The following FBLN5 variants were observed in gnomAD, a reference collection of about 807,000 sequenced individuals.
The protein encoded by FBLN5 is fibulin 5.
Under a neutral mutation model 61.6 loss-of-function variants are expected in FBLN5, and 24 were observed. That is an observed-to-expected ratio of 0.39 (90% CI 0.28 to 0.55). The LOEUF (loss-of-function observed/expected upper bound fraction) is 0.55, where lower values mean the gene tolerates loss of function less well. FBLN5 is among the 20% of genes least tolerant of loss of function. The pLI is 0.65. For missense variants in FBLN5, 470 were observed against 594.1 expected, an observed-to-expected ratio of 0.79 and a Z score of 2.17; for synonymous variants, 213 against 219.8, an observed-to-expected ratio of 0.97 and a Z score of 0.27.
At chr14:91,871,179 T>C (rs1888908496) in intron 10 of FBLN5, among the ~76,000 whole-genome samples, 1 of 148,924 alleles carries the variant, frequency 6.7e-6, no homozygotes, top group Non-Finnish European at 1.5e-5. Flanking sequence ...AAAAACGTTT[T>C]TGAGGAAAAA....
chr14:91,936,097 C>T (rs1032620666), intron 4 of FBLN5, among the ~76,000 whole-genome samples: 1 of 152,188 alleles, frequency 6.6e-6, no homozygotes, highest in Non-Finnish European at 1.5e-5. Flanking sequence ...CAGCTCAACA[C>T]TCCAGAGCCC....
At chr14:91,891,692 C>A (rs1890003959) in intron 5 of FBLN5, among the ~76,000 whole-genome samples, 1 of 152,166 alleles carries the variant, frequency 6.6e-6, no homozygotes. Flanking sequence ...GATGGACTCT[C>A]CAATTTTTCC....
chr14:91,889,298 G>A (rs1176518312), intron 6 of FBLN5, among the ~76,000 whole-genome samples: 2 of 152,212 alleles, frequency 1.3e-5, no homozygotes, highest in Non-Finnish European at 2.9e-5. Flanking sequence ...CCACTCGGAG[G>A]TGAATGAACT....
In FBLN5 at chr14:91,877,591, C is replaced by T. The variant is rs757825263; in HGVS notation, c.1081G>A (p.Val361Ile). The stretch of plus-strand genomic sequence containing the variant: ...TGCATTTGGAAGATGTCAGCGGGAA[C>T]GGAGCGTCCTGACACCACGTCCATG... ...RDMDVVSGRS[V>I]PADIFQMQAT... The change falls in exon 10 of 11, where the codon GTT becomes ATT. Residue 361 changes from valine (V) to isoleucine (I), a missense_variant. Physicochemically the swap from Val to Ile is conservative, Grantham distance 29 (BLOSUM62 3). Transcript: ENST00000342058. 2.9e-5 allele frequency: 47 copies of T among 1,613,894 alleles called. No homozygotes were observed. Among genetic ancestry groups the T allele is most frequent in the South Asian group, 8.8e-5 (8 of 91,078 alleles).
chr14:91,870,445 C>T, intron 10 of FBLN5, 60 bp from the exon 11 acceptor site: 1 of 1,556,836 alleles, frequency 6.4e-7, no homozygotes, highest in Non-Finnish European at 8.9e-7. Flanking sequence ...CCTGCAGCCC[C>T]ACCTGGGCGC....
chr14:91,932,945 A>G (rs948862163), intron 4 of FBLN5, among the ~76,000 whole-genome samples: 2 of 152,238 alleles, frequency 1.3e-5, no homozygotes, highest in African/African-American at 4.8e-5. Flanking sequence ...CTTCGTATGC[A>G]TGGCCCCTTT....
chr14:91,898,913 T>C (rs1006122170), intron 4 of FBLN5, among the ~76,000 whole-genome samples: 2 of 150,786 alleles, frequency 1.3e-5, no homozygotes, highest in East Asian at 4.0e-4. Flanking sequence ...ACCACTCTTC[T>C]GCCTCAGCCT....
chr14:91,916,711 T>C (rs553988413), intron 4 of FBLN5, among the ~76,000 whole-genome samples: 1 of 152,206 alleles, frequency 6.6e-6, no homozygotes, highest in South Asian at 2.1e-4. Context: ...CTTTAGTGAG[T>C]GAGTGCATCC....
chr14:91,911,999 G>A (rs1222323581), intron 4 of FBLN5, among the ~76,000 whole-genome samples: 2 of 152,236 alleles, frequency 1.3e-5, no homozygotes, highest in Non-Finnish European at 2.9e-5. Flanking sequence ...TTTGTCTCAT[G>A]TCATATGAAT....
In FBLN5 at chr14:91,881,552, T is replaced by C. The variant is rs1296699703; in HGVS notation, c.863-134A>G. On this transcript the variant is annotated intron_variant, in intron 8 of 10. Coordinates refer to ENST00000342058, the MANE Select transcript of FBLN5 (RefSeq NM_006329.4). ...GCAGCAACAGGCCATATGTGGCTAC[T>C]GAGTACTTGGAATGTGGCTGATCCA... 6 of 939,626 alleles carry C rather than the reference T, an allele frequency of 6.4e-6. No individual in the cohort carries two copies. In the East Asian group the frequency reaches 1.5e-4, roughly 23 times the overall value. 58.2% of individuals were successfully genotyped at this position (939,626 alleles called of 1,614,324 possible). A position where few individuals can be genotyped will look rare whatever the true frequency, so the allele number is the denominator to read the frequency against.
At chr14:91,892,547 C>T (rs1355255440) in intron 5 of FBLN5, among the ~76,000 whole-genome samples, 2 of 152,204 alleles carry the variant, frequency 1.3e-5, no homozygotes, top group African/African-American at 4.8e-5. Context: ...TGTTTTGTCT[C>T]TAAGTCCCGG....
At chr14:91,903,105 G>C (rs1016853475) in intron 4 of FBLN5, among the ~76,000 whole-genome samples, 1 of 151,668 alleles carries the variant, frequency 6.6e-6, no homozygotes, top group Non-Finnish European at 1.5e-5. Flanking sequence ...TTTTTTAATG[G>C]GGAAAAAAAT....
At chr14:91,888,479 G>A (rs1009280376) in intron 6 of FBLN5, among the ~76,000 whole-genome samples, 2 of 151,304 alleles carry the variant, frequency 1.3e-5, no homozygotes, top group Non-Finnish European at 2.9e-5. Context: ...CATGGTAACA[G>A]GTGCCTGTAA....
chr14:91,882,737 T>A lies in FBLN5; in HGVS notation c.862+217A>T, dbSNP rs376321427. Among the ~76,000 whole-genome samples, 1 of 152,262 alleles carries A rather than the reference T, an allele frequency of 6.6e-6. No homozygotes were observed. The highest frequency in any genetic ancestry group is 2.1e-4 in the South Asian group (1 of 4,822). Reference sequence around the variant, plus strand: ...ATTACAGAAGTTTAAGTGGCCAATATCCTGGCCAAAGGACGGGTTACAGGG... The same window carrying A: ...ATTACAGAAGTTTAAGTGGCCAATAACCTGGCCAAAGGACGGGTTACAGGG... On this transcript the variant is annotated intron_variant, in intron 8 of 10. Coordinates refer to ENST00000342058, the MANE Select transcript of FBLN5 (RefSeq NM_006329.4). The surrounding 1 kb of genome is among the most constrained non-coding windows in gnomAD (Gnocchi z 4.9).
At chr14:91,916,716 G>A (rs1891212208) in intron 4 of FBLN5, among the ~76,000 whole-genome samples, 1 of 152,144 alleles carries the variant, frequency 6.6e-6, no homozygotes, top group South Asian at 2.1e-4. Flanking sequence ...GTGAGTGAGT[G>A]CATCCTTTGT....
chr14:91,891,203 A>G lies in FBLN5; in HGVS notation c.619+18T>C. On this transcript the variant is annotated intron_variant, in intron 6 of 10. Transcript: ENST00000342058. ...TAGTGTCTCACATCATGTCCAAGTT[A>G]TCATGCACGTCACATACCTTGGCAA... 7.1e-7 allele frequency: 1 copy of G among 1,400,996 alleles called. No individual in the cohort carries two copies. The highest frequency in any genetic ancestry group is 1.0e-6 in the Non-Finnish European group (1 of 985,310). The allele number at this position is 1,400,996 out of a possible 1,614,324, so 86.8% of individuals were successfully genotyped here.
At chr14:91,917,875 C>T (rs989988440) in intron 4 of FBLN5, among the ~76,000 whole-genome samples, 6 of 152,184 alleles carry the variant, frequency 3.9e-5, no homozygotes, top group Non-Finnish European at 7.3e-5. Context: ...CTGCAGAGCA[C>T]GCCAGTCTAA....
At position 91,882,923 on chromosome 14, in the gene FBLN5, A is replaced by T; in HGVS notation, c.862+31T>A. 1.2e-6 allele frequency: 2 copies of T among 1,610,946 alleles called. No homozygotes were observed. Among genetic ancestry groups the T allele is most frequent in the Non-Finnish European group, 1.7e-6 (2 of 1,178,454 alleles). On this transcript the variant is annotated intron_variant, in intron 8 of 10. Coordinates refer to ENST00000342058, the MANE Select transcript of FBLN5 (RefSeq NM_006329.4). This position sits in a 1 kb window ranked among gnomAD's most constrained non-coding sequence, Gnocchi z 4.9. Reference sequence around the variant, plus strand: ...TGAAGCAGCTCCACCTCACACATACACCCCAGCCAGGCCCCTCCGGACAGC... The same window carrying T: ...TGAAGCAGCTCCACCTCACACATACTCCCCAGCCAGGCCCCTCCGGACAGC...
At chr14:91,919,510 G>T (rs912722885) in intron 4 of FBLN5, among the ~76,000 whole-genome samples, 2 of 152,056 alleles carry the variant, frequency 1.3e-5, no homozygotes, top group African/African-American at 2.4e-5. Context: ...AGGGTGAATC[G>T]TGTCCCTCCA....
Sources: allele counts gnomAD v4.1 joint callset (sites outside exome capture counted in the v4.1 genomes callset), GRCh38; gene constraint gnomAD v4.1.1; non-coding constraint Gnocchi (gnomAD v3.1); transcripts MANE v1.5; gene names NCBI Gene and HGNC (gene_info 2026-07-23, HGNC 2026-07-21).